CCDC172: variants seen among roughly 807,000 people sequenced by gnomAD.
The protein encoded by CCDC172 is coiled-coil domain-containing protein 172.
CCDC172 carries 30 observed loss-of-function variants against 38.0 expected under a neutral mutation model. That is an observed-to-expected ratio of 0.79 (90% CI 0.59 to 1.07). CCDC172 has a LOEUF of 1.07. Ranked by LOEUF, CCDC172 falls within the 50% of genes least tolerant of loss-of-function variation. CCDC172 has a pLI of 0.00. For missense variants in CCDC172, 297 were observed against 290.1 expected, an observed-to-expected ratio of 1.02 and a Z score of -0.17; for synonymous variants, 78 against 88.3, an observed-to-expected ratio of 0.88 and a Z score of 0.66.
chr10:116,342,010 T>C, intron 4 of CCDC172, 26 bp from the exon 5 acceptor site: 2 of 1,418,926 alleles, frequency 1.4e-6, no homozygotes, highest in South Asian at 1.4e-5. Context: ...AACACCTATA[T>C]TTGATCTTTT....
intron 5 of CCDC172, among the ~76,000 whole-genome samples, chr10:116,353,268 A>G (rs1488298707): frequency 6.6e-6 from 1 of 152,196 alleles, no homozygotes; most frequent in Non-Finnish European, 1.5e-5. Context: ...CAGACAGCTA[A>G]ATGTAAGAGC....
chr10:116,325,122 T>C (rs1170886186), intron 2 of CCDC172, 32 bp downstream of exon 2: 3 of 1,600,878 alleles, frequency 1.9e-6, no homozygotes, highest in Non-Finnish European at 1.7e-6. Context: ...GCATGGGGCC[T>C]TTTGTCTTCT....
At position 116,325,094 on chromosome 10, in the gene CCDC172, G is replaced by A; in HGVS notation, c.79+4G>A. On this transcript the variant is annotated splice_donor_region_variant and intron_variant, in intron 2 of 8. Coordinates refer to ENST00000333254, the MANE Select transcript of CCDC172 (RefSeq NM_198515.3). ...AGTCGCCGTTTGATGCGAGAAGGTC[G>A]GGGTATTTCTGTCCTTTGCATGGGG... The A allele has an allele frequency of 6.2e-7, 1 of 1,613,620 alleles. No individual in the cohort carries two copies. The highest frequency in any genetic ancestry group is 8.5e-7 in the Non-Finnish European group (1 of 1,179,806).
intron 3 of CCDC172, among the ~76,000 whole-genome samples, chr10:116,335,116 T>C (rs563664290): frequency 1.3e-5 from 2 of 152,192 alleles, no homozygotes; most frequent in South Asian, 4.1e-4. Context: ...ATGTTTTAGT[T>C]TGTTTCCGAA....
intron 3 of CCDC172, among the ~76,000 whole-genome samples, chr10:116,326,919 G>A (rs907789059): frequency 2.0e-5 from 3 of 152,168 alleles, no homozygotes; most frequent in Non-Finnish European, 4.4e-5. Context: ...GCTGCTACCA[G>A]CAATGCTGAA....
chr10:116,373,229 G>A (rs1589960482), intron 7 of CCDC172, among the ~76,000 whole-genome samples: 1 of 152,062 alleles, frequency 6.6e-6, no homozygotes, highest in East Asian at 1.9e-4. Context: ...ACAACATAGA[G>A]AGACCCCATC....
chr10:116,376,988 A>C (rs1350630908), intron 7 of CCDC172, among the ~76,000 whole-genome samples: 3 of 152,082 alleles, frequency 2.0e-5, no homozygotes, highest in Admixed American at 2.0e-4. Flanking sequence ...TAGTTCCTTA[A>C]AGTCTCATAA....
At chr10:116,325,540 T>C in intron 3 of CCDC172, 152 bp downstream of exon 3, 2 of 602,952 alleles carry the variant, frequency 3.3e-6, no homozygotes, top group Non-Finnish European at 5.8e-6. Context: ...CCTGGTGATG[T>C]TTAAAGTTCT....
rs1844574231 is a variant in CCDC172, at chr10:116,325,093, C to T, written c.79+3C>T. 3 of 1,613,520 alleles carry T rather than the reference C, an allele frequency of 1.9e-6. No homozygotes were observed. The highest frequency in any genetic ancestry group is 2.2e-5 in the South Asian group (2 of 91,054). ...GAGTCGCCGTTTGATGCGAGAAGGT[C>T]GGGGTATTTCTGTCCTTTGCATGGG... On this transcript the variant is annotated splice_donor_region_variant and intron_variant, in intron 2 of 8. Coordinates refer to ENST00000333254, the MANE Select transcript of CCDC172 (RefSeq NM_198515.3).
At chr10:116,365,005 T>C (rs1053310105) in intron 7 of CCDC172, among the ~76,000 whole-genome samples, 1 of 152,164 alleles carries the variant, frequency 6.6e-6, no homozygotes, top group African/African-American at 2.4e-5. Flanking sequence ...TAGTCATTAT[T>C]TGATGACTCA....
At chr10:116,327,074 C>G (rs1844601743) in intron 3 of CCDC172, among the ~76,000 whole-genome samples, 1 of 152,132 alleles carries the variant, frequency 6.6e-6, no homozygotes, top group African/African-American at 2.4e-5. Context: ...TGCAGGGGCA[C>G]TGTTCTAAAT....
At chr10:116,370,053 CT>C (rs1211365853) in intron 7 of CCDC172, among the ~76,000 whole-genome samples, 1 of 151,756 alleles carries the variant, frequency 6.6e-6, no homozygotes, top group Admixed American at 6.6e-5. Flanking sequence ...GGCTTTTGGT[CT>C]TTTTTGTCCC....
chr10:116,373,648 G>T (rs1456328959), intron 7 of CCDC172, among the ~76,000 whole-genome samples: 1 of 152,074 alleles, frequency 6.6e-6, no homozygotes, highest in African/African-American at 2.4e-5. Flanking sequence ...GGGATTACAG[G>T]CGTGTGCCAC....
chr10:116,332,332 C>T (rs942201399), intron 3 of CCDC172, among the ~76,000 whole-genome samples: 4 of 152,124 alleles, frequency 2.6e-5, no homozygotes, highest in Admixed American at 2.6e-4. Context: ...TTTGCTTTTA[C>T]TGCCATATTA....
chr10:116,325,295 T>C lies in CCDC172; in HGVS notation c.80-8T>C, dbSNP rs1284820457. ...TTGATGTGTTTAAAGATTTAATTTT[T>C]ATTACAGTAAGGTCGGAAATAACCA... On this transcript the variant is annotated splice_region_variant and splice_polypyrimidine_tract_variant and intron_variant, in intron 2 of 8. Coordinates refer to ENST00000333254, the MANE Select transcript of CCDC172 (RefSeq NM_198515.3). 6.2e-7 allele frequency: 1 copy of C among 1,609,350 alleles called. No individual in the cohort carries two copies.
At chr10:116,347,401 A>C (rs1184332135) in intron 5 of CCDC172, among the ~76,000 whole-genome samples, 2 of 152,206 alleles carry the variant, frequency 1.3e-5, no homozygotes, top group Non-Finnish European at 2.9e-5. Flanking sequence ...GAAAGGGAGC[A>C]GATTGAGGTA....
intron 4 of CCDC172, among the ~76,000 whole-genome samples, chr10:116,341,474 T>C (rs959075296): frequency 3.9e-5 from 6 of 152,050 alleles, no homozygotes; most frequent in African/African-American, 1.2e-4. Flanking sequence ...GGTTTTTGCA[T>C]TGTCCACAGT....
intron 7 of CCDC172, among the ~76,000 whole-genome samples, chr10:116,374,421 C>T (rs1196297471): frequency 1.3e-5 from 2 of 151,790 alleles, no homozygotes; most frequent in Non-Finnish European, 2.9e-5. Flanking sequence ...CATAATTGTT[C>T]TATTTTATTA....
intron 7 of CCDC172, among the ~76,000 whole-genome samples, chr10:116,363,663 G>A (rs1279300216): frequency 1.3e-5 from 2 of 152,192 alleles, no homozygotes; most frequent in African/African-American, 2.4e-5. Flanking sequence ...TCGGCTGGGC[G>A]CAGTGAGTCA....
Sources: allele counts gnomAD v4.1 joint callset (sites outside exome capture counted in the v4.1 genomes callset), GRCh38; gene constraint gnomAD v4.1.1; transcripts MANE v1.5; gene names NCBI Gene and HGNC (gene_info 2026-07-23, HGNC 2026-07-21).